Variants in DSCAM observed in about 807,000 individuals in gnomAD.
The protein encoded by DSCAM is DS cell adhesion molecule, also known as cell adhesion molecule DSCAM.
A neutral mutation model predicts 217.7 loss-of-function variants in DSCAM; 47 were observed. The ratio of observed to expected loss-of-function variants is 0.22; its 90% CI spans 0.17 to 0.28. The LOEUF is 0.28. DSCAM is among the 10% of genes least tolerant of loss of function. The probability of loss-of-function intolerance (pLI) is 1.00; values close to 1 mark genes in which losing one functional copy is unlikely to be tolerated. For synonymous variants in DSCAM, 1,056 were observed against 1,015.3 expected, an observed-to-expected ratio of 1.04 and a Z score of -0.76; for missense variants, 2,080 against 2,618.3, an observed-to-expected ratio of 0.79 and a Z score of 4.49.
At chr21:40,636,945 C>G (rs374844909) in intron 3 of DSCAM, among the ~76,000 whole-genome samples, 12 of 149,726 alleles carry the variant, frequency 8.0e-5, no homozygotes, top group East Asian at 5.9e-4. Flanking sequence ...GCTTTGTCAT[C>G]TCAGCACTAT....
intron 3 of DSCAM, among the ~76,000 whole-genome samples, chr21:40,655,016 G>T (rs933856492): frequency 1.3e-5 from 2 of 152,134 alleles, no homozygotes; most frequent in Non-Finnish European, 2.9e-5. Context: ...CTGGAAATGC[G>T]TATTTGTACT....
chr21:40,566,030 G>A (rs1377567609), intron 3 of DSCAM, among the ~76,000 whole-genome samples: 1 of 152,178 alleles, frequency 6.6e-6, no homozygotes, highest in Non-Finnish European at 1.5e-5. Flanking sequence ...AAGGGTTTAA[G>A]TCTAGACGTA....
chr21:40,385,537 A>T (rs944780486), intron 3 of DSCAM, among the ~76,000 whole-genome samples: 2 of 152,210 alleles, frequency 1.3e-5, no homozygotes, highest in East Asian at 3.9e-4. Context: ...CACATAAGAG[A>T]CGTACTAATA....
At chr21:40,429,924 A>C (rs553241030) in intron 3 of DSCAM, among the ~76,000 whole-genome samples, 113 of 152,346 alleles carry the variant, frequency 7.4e-4, no homozygotes, top group African/African-American at 2.4e-3. Flanking sequence ...CATAGGAATT[A>C]AAGTTACTAA....
rs553461894 is a variant in DSCAM at position 40,840,277 on chromosome 21, T to C, written c.43+6342A>G. On this transcript the variant is annotated intron_variant, in intron 1 of 32. Transcript: ENST00000400454. ...CATAGGATGCTGAAGAAAACAGTAG[T>C]ATGACTTTTTAAAGATGAATTAAGG... is the stretch of plus-strand genomic sequence containing the variant. Among the ~76,000 whole-genome samples, 53 of 152,242 alleles carry C rather than the reference T, an allele frequency of 3.5e-4. No individual in the cohort carries two copies. In the South Asian group the frequency reaches 0.01, roughly 30 times the overall value.
At chr21:40,099,863 G>A (rs1290449127) in intron 20 of DSCAM, among the ~76,000 whole-genome samples, 1 of 152,176 alleles carries the variant, frequency 6.6e-6, no homozygotes, top group African/African-American at 2.4e-5. Flanking sequence ...GTGGAAGAGG[G>A]CTTTGAGCTC....
At position 40,072,410 on chromosome 21, in the gene DSCAM, G is replaced by A. The variant is rs190242954; in HGVS notation, c.4888+2627C>T. 6.9e-3 allele frequency among the ~76,000 whole-genome samples: 1,034 copies of A among 149,326 alleles called. 15 individuals are homozygous for A. The highest frequency in any genetic ancestry group is 0.024 in the African/African-American group (954 of 40,160). The stretch of plus-strand genomic sequence containing the variant: ...CACCCAGGCTGGAGTGCAGTGGCGG[G>A]ATCTCGGCTCACTGCAAGCTCCGCC... On this transcript the variant is annotated intron_variant, in intron 27 of 32. Coordinates refer to ENST00000400454, the MANE Select transcript of DSCAM (RefSeq NM_001389.5).
At chr21:40,673,244 G>A (rs2089052205) in intron 3 of DSCAM, among the ~76,000 whole-genome samples, 1 of 151,902 alleles carries the variant, frequency 6.6e-6, no homozygotes, top group South Asian at 2.1e-4. Context: ...TTTGGAGTTG[G>A]CTGTGATGGT....
intron 29 of DSCAM, among the ~76,000 whole-genome samples, chr21:40,052,633 C>T (rs777299669): frequency 2.0e-5 from 3 of 152,208 alleles, no homozygotes; most frequent in Non-Finnish European, 2.9e-5. Context: ...GAGAAGAAAA[C>T]ATGCCAGTCT....
At chr21:40,728,608 C>T (rs887858708) in intron 1 of DSCAM, among the ~76,000 whole-genome samples, 59 of 152,052 alleles carry the variant, frequency 3.9e-4, no homozygotes, top group African/African-American at 1.3e-3. Context: ...TTAGTAGAGA[C>T]GGGGTTTTAT....
At chr21:40,569,349 T>C (rs1048254541) in intron 3 of DSCAM, among the ~76,000 whole-genome samples, 3 of 152,206 alleles carry the variant, frequency 2.0e-5, no homozygotes, top group African/African-American at 7.2e-5. Context: ...TGAAGGTTAT[T>C]GTGTAGGTGT....
At chr21:40,350,562 A>G (rs1026813255) in intron 5 of DSCAM, among the ~76,000 whole-genome samples, 1 of 152,198 alleles carries the variant, frequency 6.6e-6, no homozygotes, top group African/African-American at 2.4e-5. Context: ...TTCTAGGTTG[A>G]TAAGACAAAG....
intron 32 of DSCAM, among the ~76,000 whole-genome samples, chr21:40,039,076 G>T (rs916561863): frequency 6.6e-5 from 10 of 151,744 alleles, no homozygotes; most frequent in African/African-American, 2.2e-4. Flanking sequence ...TAGATGACCA[G>T]TTAGTGGGTG....
chr21:40,063,838 A>G (rs2089164233), intron 27 of DSCAM, among the ~76,000 whole-genome samples: 1 of 152,204 alleles, frequency 6.6e-6, no homozygotes, highest in Non-Finnish European at 1.5e-5. Context: ...AGACGTGGAC[A>G]GTCACAGAAT....
chr21:40,800,734 T>A (rs1417889546), intron 1 of DSCAM, among the ~76,000 whole-genome samples: 10 of 142,692 alleles, frequency 7.0e-5, no homozygotes, highest in African/African-American at 1.0e-4. Flanking sequence ...TTTTTTTTTT[T>A]AAACGGAGTC....
intron 11 of DSCAM, among the ~76,000 whole-genome samples, chr21:40,274,337 C>A (rs79866838): frequency 0.013 from 2,009 of 152,328 alleles, 55 homozygotes; most frequent in African/African-American, 0.046. Flanking sequence ...TGTGACTCTT[C>A]ACCCTGCATT....
intron 1 of DSCAM, among the ~76,000 whole-genome samples, chr21:40,743,901 A>AAGAC (rs987053707): frequency 5.9e-5 from 9 of 152,354 alleles, no homozygotes; most frequent in African/African-American, 2.2e-4. Flanking sequence ...TGCAGAATAG[A>AAGAC]AGACACCCTG....
intron 11 of DSCAM, among the ~76,000 whole-genome samples, chr21:40,264,962 G>A (rs2073503849): frequency 6.6e-6 from 1 of 152,164 alleles, no homozygotes; most frequent in Non-Finnish European, 1.5e-5. Context: ...GCCAAGGCAG[G>A]CAGATCAACT....
chr21:40,309,813 T>C (rs757655453), intron 9 of DSCAM, among the ~76,000 whole-genome samples: 1 of 152,226 alleles, frequency 6.6e-6, no homozygotes. Flanking sequence ...CATTTTTATC[T>C]TGTCTGAATG....
Sources: gnomAD v4.1 joint callset for allele counts (sites outside exome capture counted in the v4.1 genomes callset) on GRCh38, gnomAD v4.1.1 for gene constraint, MANE v1.5 for transcripts, NCBI Gene and HGNC (gene_info 2026-07-23, HGNC 2026-07-21) for gene names.